The following GPRC5B variants were observed in gnomAD, a reference collection of about 807,000 sequenced individuals.
GPRC5B encodes the protein G protein-coupled receptor family C group 5 member B.
Under a neutral mutation model 30.1 loss-of-function variants are expected in GPRC5B, and 16 were observed. The observed-to-expected ratio is 0.53, with a 90% confidence interval of 0.36 to 0.81. GPRC5B has a LOEUF of 0.81. Among genes scored for constraint, GPRC5B ranks in the 30% least tolerant of loss-of-function variants. GPRC5B has a pLI of 0.01. For synonymous variants in GPRC5B, 241 were observed against 239.5 expected, an observed-to-expected ratio of 1.01 and a Z score of -0.06; for missense variants, 428 against 544.7, an observed-to-expected ratio of 0.79 and a Z score of 2.13.
chr16:19,877,330 T>A (rs150371243), intron 1 of GPRC5B, among the ~76,000 whole-genome samples: 37 of 152,284 alleles, frequency 2.4e-4, no homozygotes, highest in Middle Eastern at 3.4e-3. Flanking sequence ...TCCTCCCACA[T>A]CTTATGGCCC....
chr16:19,882,613 T>C (rs191225010), intron 1 of GPRC5B, among the ~76,000 whole-genome samples: 64 of 152,252 alleles, frequency 4.2e-4, no homozygotes, highest in Middle Eastern at 3.4e-3. Context: ...AGCGTCTCTC[T>C]ATCCCCATGG....
At chr16:19,868,329 T>C (rs2056683380) in intron 2 of GPRC5B, among the ~76,000 whole-genome samples, 1 of 151,128 alleles carries the variant, frequency 6.6e-6, no homozygotes, top group Non-Finnish European at 1.5e-5. Context: ...GCTGAGATCA[T>C]GCCATTGCAC....
At position 19,861,087 on chromosome 16, in the gene GPRC5B, T is replaced by TAAAAAAAAAAAAAAAAAAAAAAA. The variant is rs3067833; in HGVS notation, c.1168-544_1168-543insTTTTTTTTTTTTTTTTTTTTTTT. Among the ~76,000 whole-genome samples, 76 of 93,362 alleles carry TAAAAAAAAAAAAAAAAAAAAAAA rather than the reference T, an allele frequency of 8.1e-4. 2 individuals are homozygous for TAAAAAAAAAAAAAAAAAAAAAAA. Among genetic ancestry groups the TAAAAAAAAAAAAAAAAAAAAAAA allele is most frequent in the African/African-American group, 3.5e-3 (72 of 20,478 alleles). The allele number at this position is 93,362 out of a possible 152,430, so 61.2% of individuals were successfully genotyped here. A position where few individuals can be genotyped will look rare whatever the true frequency, so the allele number is the denominator to read the frequency against. Reference sequence around the variant, plus strand: ...GATCAAAGACCATCCCTGATTTACATAAAAAAAAAAAAAAAAAGAAGAATG... The same window carrying TAAAAAAAAAAAAAAAAAAAAAAA: ...GATCAAAGACCATCCCTGATTTACATAAAAAAAAAAAAAAAAAAAAAAAAAAAAAAAAAAAAAAAAGAAGAATG... On this transcript the variant is annotated intron_variant, in intron 3 of 3. Coordinates refer to ENST00000300571, the MANE Select transcript of GPRC5B (RefSeq NM_016235.3).
At chr16:19,877,529 G>A (rs11639557) in intron 1 of GPRC5B, among the ~76,000 whole-genome samples, 1 of 152,098 alleles carries the variant, frequency 6.6e-6, no homozygotes, top group Non-Finnish European at 1.5e-5. Context: ...CTGACACTGA[G>A]GCAGCTCATC....
At chr16:19,873,240 G>T (rs946679426) in intron 1 of GPRC5B, among the ~76,000 whole-genome samples, 61 of 152,148 alleles carry the variant, frequency 4.0e-4, no homozygotes, top group African/African-American at 1.4e-3. Flanking sequence ...AGAGGCGGGC[G>T]GATCACGAGG....
chr16:19,879,726 G>A (rs1392281252), intron 1 of GPRC5B, among the ~76,000 whole-genome samples: 1 of 152,202 alleles, frequency 6.6e-6, no homozygotes, highest in Non-Finnish European at 1.5e-5. Flanking sequence ...TGCCTCATCT[G>A]CAAAACAAAG....
At chr16:19,879,574 T>C (rs983026689) in intron 1 of GPRC5B, among the ~76,000 whole-genome samples, 2 of 151,958 alleles carry the variant, frequency 1.3e-5, no homozygotes, top group African/African-American at 4.8e-5. Flanking sequence ...GGATTCCTTG[T>C]GTGAGAAGGA....
chr16:19,872,719 G>C lies in GPRC5B; in HGVS notation c.127C>G (p.Pro43Ala). The change falls in exon 2 of 4, where the codon CCT becomes GCT. Residue 43 changes from proline (P) to alanine (A), a missense_variant. This residue lies in a region of GPRC5B where 196 missense variants were observed against 272.6 expected (regional missense o/e 0.72). Coordinates refer to ENST00000300571, the MANE Select transcript of GPRC5B (RefSeq NM_016235.3). This position sits in a 1 kb window ranked among gnomAD's most constrained non-coding sequence, Gnocchi z 5.0. Reference protein sequence around the residue: ...TSRGCGLDLLPQYVSLCDLDA... With the variant: ...TSRGCGLDLLAQYVSLCDLDA... ...AGGTCGCACAGGGACACGTACTGAG[G>C]GAGGAGGTCCAGCCCACAGCCTCGG... 6.2e-7 allele frequency: 1 copy of C among 1,613,898 alleles called. No homozygotes were observed. Among genetic ancestry groups the C allele is most frequent in the South Asian group, 1.1e-5 (1 of 91,086 alleles).
At chr16:19,875,745 C>T (rs2056755263) in intron 1 of GPRC5B, among the ~76,000 whole-genome samples, 2 of 152,234 alleles carry the variant, frequency 1.3e-5, no homozygotes, top group South Asian at 4.1e-4. Flanking sequence ...TGCCACTGCA[C>T]TCCAGCCTGG....
At chr16:19,860,763 G>C (rs1269431255) in intron 3 of GPRC5B, among the ~76,000 whole-genome samples, 1 of 152,190 alleles carries the variant, frequency 6.6e-6, no homozygotes, top group Non-Finnish European at 1.5e-5. Flanking sequence ...CGTAAGGAAT[G>C]TAAGTTCAAC....
At chr16:19,873,830 T>C (rs1324844466) in intron 1 of GPRC5B, among the ~76,000 whole-genome samples, 2 of 152,032 alleles carry the variant, frequency 1.3e-5, no homozygotes, top group African/African-American at 4.8e-5. Flanking sequence ...CAGGCTGGAG[T>C]GCAGTGGCGC....
intron 2 of GPRC5B, among the ~76,000 whole-genome samples, chr16:19,869,937 T>C (rs1410291284): frequency 6.6e-6 from 1 of 152,002 alleles, no homozygotes; most frequent in Non-Finnish European, 1.5e-5. Context: ...TAACTGGGTG[T>C]GGTGGTGTGT....
chr16:19,870,698 G>C (rs1212572540), intron 2 of GPRC5B, among the ~76,000 whole-genome samples: 2 of 152,186 alleles, frequency 1.3e-5, no homozygotes, highest in Non-Finnish European at 2.9e-5. Flanking sequence ...TGCTTTGGGG[G>C]AGCCAGGGAA....
chr16:19,872,040 T>G lies in GPRC5B; in HGVS notation c.806A>C (p.Asp269Ala). 1.2e-6 allele frequency: 2 copies of G among 1,613,540 alleles called. No homozygotes were observed. The highest frequency in any genetic ancestry group is 1.7e-6 in the Non-Finnish European group (2 of 1,179,904). Residue 269 changes from aspartate (D) to alanine (A), a missense_variant, in exon 2 of 4, where the codon GAC becomes GCC. Transcript: ENST00000300571. This position sits in a 1 kb window ranked among gnomAD's most constrained non-coding sequence, Gnocchi z 5.0. The stretch of plus-strand genomic sequence containing the variant: ...CGCCAGCGTGATGGCCAAGGTGGGG[T>G]CGTTCCAGGCATCCCCCTGCTGCAG... Reference protein sequence around the residue: ...VKLQQGDAWNDPTLAITLAAS... With the variant: ...VKLQQGDAWNAPTLAITLAAS...
At chr16:19,873,324 C>T (rs2056737647) in intron 1 of GPRC5B, among the ~76,000 whole-genome samples, 1 of 151,956 alleles carries the variant, frequency 6.6e-6, no homozygotes, top group Admixed American at 6.6e-5. Context: ...ATTAGCTGGG[C>T]ATGGTGGCGG....
chr16:19,873,479 A>C (rs1389928097), intron 1 of GPRC5B, among the ~76,000 whole-genome samples: 6 of 151,966 alleles, frequency 3.9e-5, no homozygotes, highest in Non-Finnish European at 8.8e-5. Flanking sequence ...AAAAAAAAAA[A>C]AACCAAAGAA....
intron 1 of GPRC5B, among the ~76,000 whole-genome samples, chr16:19,875,847 C>T (rs1187309838): frequency 2.0e-5 from 3 of 152,124 alleles, no homozygotes; most frequent in Non-Finnish European, 2.9e-5. Context: ...ACCCACTGGG[C>T]GCATTTCAAC....
intron 1 of GPRC5B, 96 bp downstream of exon 1, chr16:19,884,631 A>G: frequency 1.1e-6 from 1 of 886,304 alleles, no homozygotes; most frequent in Non-Finnish European, 1.4e-6. Flanking sequence ...AGAAAAACAC[A>G]AGAAGCGGAC....
In GPRC5B at chr16:19,861,894, C is replaced by T. The variant is rs147960290; in HGVS notation, c.1110G>A (p.Pro370=). The T allele has an allele frequency of 3.1e-4, 495 of 1,613,234 alleles. 6 individuals are homozygous for T. In the East Asian group the frequency reaches 9.8e-3, roughly 32 times the overall value. ...TTGGCTGATACACGTTGCTTCTAAACGGAGCGCTGGGTCTTTTCCCCAAGC... is the reference window on the plus strand; with the variant it reads ...TTGGCTGATACACGTTGCTTCTAAATGGAGCGCTGGGTCTTTTCCCCAAGC... ...SGSLGKRPSA[P]FRSNVYQPTE... Residue 370 remains proline (P), a synonymous_variant, in exon 3 of 4, where the codon CCG becomes CCA. Coordinates refer to ENST00000300571, the MANE Select transcript of GPRC5B (RefSeq NM_016235.3).
Sources: allele counts gnomAD v4.1 joint callset (sites outside exome capture counted in the v4.1 genomes callset), GRCh38; gene constraint gnomAD v4.1.1; regional missense constraint gnomAD v4.1.1; non-coding constraint Gnocchi (gnomAD v3.1); transcripts MANE v1.5; gene names NCBI Gene and HGNC (gene_info 2026-07-23, HGNC 2026-07-21).